Variants in MAPK6 observed in about 807,000 individuals in gnomAD.
The protein encoded by MAPK6 is mitogen-activated protein kinase 6.
A neutral mutation model predicts 59.3 loss-of-function variants in MAPK6; 19 were observed. The ratio of observed to expected loss-of-function variants is 0.32; its 90% CI spans 0.22 to 0.47. The LOEUF is 0.47. Among genes scored for constraint, MAPK6 ranks in the 20% least tolerant of loss-of-function variants. The pLI, the probability that MAPK6 is intolerant of heterozygous loss-of-function variation, is 1.00. For synonymous variants in MAPK6, 316 were observed against 290.3 expected (o/e 1.09, Z -0.90); for missense variants, 724 against 847.9 (o/e 0.85, Z 1.81).
chr15:52,051,700 C>CCTGT (rs2031787997), intron 3 of MAPK6, among the ~76,000 whole-genome samples: 1 of 151,560 alleles, frequency 6.6e-6, no homozygotes, highest in South Asian at 2.1e-4. Flanking sequence ...ATGGTGAAAC[C>CCTGT]CTGTCTCTAC....
rs1444010956 is a variant in MAPK6, at chr15:52,022,122, A to C, written c.-632+2746A>C. On this transcript the variant is annotated intron_variant, in intron 1 of 5. Transcript: ENST00000261845. ...AAGGATCGCTTGAGGCCAGGAGTTC[A>C]AGACCAGTCTGGGCAACATAACGAG... is the stretch of plus-strand genomic sequence containing the variant. Among the ~76,000 whole-genome samples the C allele has an allele frequency of 3.3e-5, 5 of 152,278 alleles. No individual in the cohort carries two copies. In the East Asian group the frequency reaches 5.8e-4, roughly 18 times the overall value.
intron 3 of MAPK6, among the ~76,000 whole-genome samples, chr15:52,050,850 T>G (rs1450293334): frequency 6.6e-6 from 1 of 151,948 alleles, no homozygotes; most frequent in African/African-American, 2.4e-5. Flanking sequence ...AATCTGAGAT[T>G]TGTGCAAGTT....
intron 2 of MAPK6, among the ~76,000 whole-genome samples, chr15:51,984,537 T>C (rs1321548782): frequency 7.0e-6 from 1 of 142,582 alleles, no homozygotes; most frequent in Non-Finnish European, 1.5e-5. Context: ...TCTCCTGACC[T>C]CGTGATCCGC....
Position 52,064,797 on chromosome 15 carries a change from A to C in MAPK6, c.1963A>C (p.Arg655=). 6.2e-7 allele frequency: 1 copy of C among 1,611,960 alleles called. No individual in the cohort carries two copies. The highest frequency in any genetic ancestry group is 8.5e-7 in the Non-Finnish European group (1 of 1,179,832). The stretch of plus-strand genomic sequence containing the variant: ...AGTAGAGGATGGGAAGCTTGGGGAG[A>C]GAGGACATGAGGAAGGATTTCTGAA... ...EPVEDGKLGE[R]GHEEGFLNNS... The change falls in exon 6 of 6, where the codon AGA becomes CGA. Residue 655 remains arginine, a synonymous_variant. Transcript: ENST00000261845.
Position 51,992,302 on chromosome 15 carries a change from TA to T in MAPK6, c.-770+8988del, listed in dbSNP as rs1265513712. 6.8e-5 allele frequency among the ~76,000 whole-genome samples: 5 copies of T among 73,000 alleles called. No individual in the cohort carries two copies. The East Asian group carries it at 3.0e-3, about 44-fold the overall frequency. The allele number at this position is 73,000 out of a possible 152,430, so 47.9% of individuals were successfully genotyped here. On this transcript the variant is annotated intron_variant, in intron 2 of 7. Transcript: ENST00000691380. Reference sequence around the variant, plus strand: ...ATCTATCTATCTATCTATATATATATATATTTTTTTTTTTTTTGAGACAGAG... The same window carrying T: ...ATCTATCTATCTATCTATATATATATTATTTTTTTTTTTTTTGAGACAGAG...
chr15:52,015,398 C>T (rs1168818636), upstream of MAPK6, among the ~76,000 whole-genome samples: 1 of 152,108 alleles, frequency 6.6e-6, no homozygotes, highest in Non-Finnish European at 1.5e-5. Context: ...CCACCTGCCT[C>T]GGCCTCCCAG....
chr15:52,024,358 A>G (rs1169639910), intron 1 of MAPK6, among the ~76,000 whole-genome samples: 3 of 151,806 alleles, frequency 2.0e-5, no homozygotes, highest in Non-Finnish European at 4.4e-5. Flanking sequence ...TCTCAGTCCT[A>G]CGGTCCTACT....
At position 51,981,006 on chromosome 15, in the gene MAPK6, T is replaced by G. The variant is rs140734569; in HGVS notation, c.-879-2200T>G. On this transcript the variant is annotated intron_variant, in intron 1 of 7. Transcript: ENST00000691380. ...AAATGTAAGCTGTTTTCTAAAATGATAGCAAACCCCTTTCCTGAACCTCTT... is the reference window on the plus strand; with the variant it reads ...AAATGTAAGCTGTTTTCTAAAATGAGAGCAAACCCCTTTCCTGAACCTCTT... Among the ~76,000 whole-genome samples the G allele has an allele frequency of 8.6e-5, 13 of 151,880 alleles. 1 individual carries two copies. The highest frequency in any genetic ancestry group is 2.6e-4 in the African/African-American group (11 of 41,522).
At position 51,976,117 on chromosome 15, in the gene MAPK6, TTTGCCGGGC is replaced by T. The variant is rs1284204414; in HGVS notation, c.-880+4212_-880+4220del. On this transcript the variant is annotated intron_variant, in intron 1 of 7. Transcript: ENST00000691380. ...CCATCTGTACTAAAAATATAAAAAA[TTTGCCGGGC>T]GTGGTGGCACATGCCTGTAGTCCCA... Among the ~76,000 whole-genome samples the T allele has an allele frequency of 7.1e-3, 1,072 of 151,160 alleles. 12 individuals carry two copies. Among genetic ancestry groups the T allele is most frequent in the African/African-American group, 0.025 (1,026 of 41,358 alleles).
At chr15:52,060,422 C>T (rs1041017508) in intron 4 of MAPK6, among the ~76,000 whole-genome samples, 5 of 151,836 alleles carry the variant, frequency 3.3e-5, no homozygotes, top group South Asian at 2.1e-4. Context: ...TAAAGAAGAC[C>T]GAGAGCATAA....
chr15:52,025,497 A>C (rs923513651), intron 1 of MAPK6, among the ~76,000 whole-genome samples: 2 of 152,202 alleles, frequency 1.3e-5, no homozygotes, highest in Non-Finnish European at 2.9e-5. Flanking sequence ...TTTTTATTTA[A>C]TTTTAATTCC....
At chr15:51,978,518 A>G (rs750778513) in intron 1 of MAPK6, among the ~76,000 whole-genome samples, 25 of 152,010 alleles carry the variant, frequency 1.6e-4, no homozygotes, top group Non-Finnish European at 3.2e-4. Context: ...TTAAATTTCT[A>G]TAGTAAAATG....
At chr15:52,057,271 G>GACC (rs2032019630) in intron 3 of MAPK6, 1 of 151,550 alleles carries the variant, frequency 6.6e-6, no homozygotes, top group East Asian at 1.9e-4. Context: ...GAAAGACAAG[G>GACC]TAGATCATGT....
chr15:51,997,228 C>T (rs1433242874), intron 2 of MAPK6, among the ~76,000 whole-genome samples: 2 of 151,982 alleles, frequency 1.3e-5, no homozygotes, highest in East Asian at 1.9e-4. Flanking sequence ...GATTCACCCA[C>T]CTTGGCCTCC....
intron 2 of MAPK6, among the ~76,000 whole-genome samples, chr15:51,988,674 A>G (rs1472829252): frequency 8.6e-5 from 13 of 151,824 alleles, no homozygotes; most frequent in African/African-American, 2.7e-4. Context: ...AGAGGTTGCA[A>G]TGAGCCAAGG....
At chr15:52,044,448 A>G (rs745609469) in intron 1 of MAPK6, among the ~76,000 whole-genome samples, 7 of 152,188 alleles carry the variant, frequency 4.6e-5, no homozygotes, top group Non-Finnish European at 7.4e-5. Context: ...GCTCCTGCCT[A>G]GCATATAGTA....
chr15:52,021,359 G>A (rs2030519920), intron 1 of MAPK6: 1 of 86,242 alleles, frequency 1.2e-5, no homozygotes, highest in Non-Finnish European at 2.5e-5. Flanking sequence ...ACTGCTACGT[G>A]GCTTTTTTTT....
chr15:52,006,638 T>G (rs1166386570), intron 3 of MAPK6, among the ~76,000 whole-genome samples: 5 of 152,094 alleles, frequency 3.3e-5, no homozygotes, highest in African/African-American at 1.2e-4. Context: ...TGGTCTAGGG[T>G]ACAATCTCTT....
At chr15:52,001,791 G>A (rs184879313) in intron 2 of MAPK6, among the ~76,000 whole-genome samples, 2 of 152,222 alleles carry the variant, frequency 1.3e-5, no homozygotes, top group Admixed American at 6.5e-5. Context: ...TTATAGGCGT[G>A]ATCCGCCACT....
Sources: allele counts gnomAD v4.1 joint callset (sites outside exome capture counted in the v4.1 genomes callset), GRCh38; gene constraint gnomAD v4.1.1; transcripts MANE v1.5; gene names NCBI Gene and HGNC (gene_info 2026-07-23, HGNC 2026-07-21).